Variants in HACD2 observed in about 807,000 individuals in gnomAD.
HACD2 encodes the protein very-long-chain (3R)-3-hydroxyacyl-CoA dehydratase 2.
A neutral mutation model predicts 31.0 loss-of-function variants in HACD2; 15 were observed. That is an observed-to-expected ratio of 0.48 (90% CI 0.32 to 0.75). HACD2 has a LOEUF of 0.75. Ranked by LOEUF, HACD2 falls within the 30% of genes least tolerant of loss-of-function variation. The pLI is 0.03. For missense variants in HACD2, 283 were observed against 313.0 expected (o/e 0.90, Z 0.72); for synonymous variants, 115 against 122.2 (o/e 0.94, Z 0.39).
intron 3 of HACD2, among the ~76,000 whole-genome samples, chr3:123,533,126 G>T (rs1170327229): frequency 6.6e-6 from 1 of 152,188 alleles, no homozygotes; most frequent in Non-Finnish European, 1.5e-5. Context: ...TGTAGAATGT[G>T]GAATATAGAT....
At chr3:123,561,733 ACAC>A (rs774813580) in intron 3 of HACD2, among the ~76,000 whole-genome samples, 2 of 151,850 alleles carry the variant, frequency 1.3e-5, no homozygotes, top group Non-Finnish European at 1.5e-5. Flanking sequence ...AACACAAATC[ACAC>A]CACATGAATA....
intron 4 of HACD2, among the ~76,000 whole-genome samples, chr3:123,513,662 C>A (rs2056093905): frequency 6.6e-6 from 1 of 152,192 alleles, no homozygotes. Context: ...ACGGATGTGG[C>A]AGGACCATCA....
In HACD2 at chr3:123,551,456, T is replaced by TA. The variant is rs200566511; in HGVS notation, c.292+16305dup. On this transcript the variant is annotated intron_variant, in intron 3 of 6. Coordinates refer to ENST00000383657, the MANE Select transcript of HACD2 (RefSeq NM_198402.5). ...CAACATGGTGAATCCCCATCTCTAC[T>TA]AAAAAAAAATATATAAAAATTAGCC... Among the ~76,000 whole-genome samples the TA allele has an allele frequency of 1.3e-3, 193 of 150,680 alleles. 2 individuals are homozygous for TA. In the East Asian group the frequency reaches 0.017, roughly 13 times the overall value.
At chr3:123,495,205 T>C (rs1356817563) in intron 6 of HACD2, among the ~76,000 whole-genome samples, 4 of 152,244 alleles carry the variant, frequency 2.6e-5, no homozygotes, top group African/African-American at 9.6e-5. Context: ...ACAGACACTA[T>C]TGTCACTATC....
chr3:123,524,764 G>A, intron 4 of HACD2, among the ~76,000 whole-genome samples: 1 of 152,106 alleles, frequency 6.6e-6, no homozygotes, highest in African/African-American at 2.4e-5. Context: ...TGATATCACA[G>A]GTGTGAGCCA....
At chr3:123,584,365 T>C (rs943809428) in intron 1 of HACD2, 1 of 152,580 alleles carries the variant, frequency 6.6e-6, no homozygotes, top group Admixed American at 6.5e-5. Flanking sequence ...GCTCTGCTCA[T>C]GTCGCTGGCC....
intron 4 of HACD2, among the ~76,000 whole-genome samples, chr3:123,511,223 A>G (rs902556287): frequency 6.6e-6 from 1 of 152,088 alleles, no homozygotes; most frequent in African/African-American, 2.4e-5. Flanking sequence ...TTTTTAACAT[A>G]TATTACCTCA....
intron 3 of HACD2, among the ~76,000 whole-genome samples, chr3:123,556,151 T>C (rs2056670226): frequency 1.3e-5 from 2 of 151,852 alleles, no homozygotes; most frequent in Non-Finnish European, 2.9e-5. Flanking sequence ...AAAAAATAAA[T>C]TGAGGCCGGG....
Position 123,527,386 on chromosome 3 carries a change from A to T in HACD2, c.381+1000T>A, listed in dbSNP as rs531239619. ...GTTGTACACTGTTCTCAGCAGCATG[A>T]TGAAATCTCATGCTGTCCCACTCTA... On this transcript the variant is annotated intron_variant, in intron 4 of 6. Transcript: ENST00000383657. Among the ~76,000 whole-genome samples, 10 of 152,318 alleles carry T rather than the reference A, an allele frequency of 6.6e-5. No homozygotes were observed. In the East Asian group the frequency reaches 1.9e-3, roughly 29 times the overall value.
chr3:123,584,861 C>G lies in HACD2; in HGVS notation c.155+12G>C. On this transcript the variant is annotated intron_variant, in intron 1 of 6. Transcript: ENST00000383657. The stretch of plus-strand genomic sequence containing the variant: ...CGCGCTGGCTCCCCGCCTCCCCGAG[C>G]CCCAGCCTCACCCGGCTGTCATCAC... The G allele has an allele frequency of 6.7e-7, 1 of 1,494,038 alleles. No homozygotes were observed. Among genetic ancestry groups the G allele is most frequent in the Non-Finnish European group, 8.9e-7 (1 of 1,121,620 alleles). The allele number at this position is 1,494,038 out of a possible 1,614,324, so 92.5% of individuals were successfully genotyped here.
chr3:123,571,076 A>G (rs978624107), intron 2 of HACD2, among the ~76,000 whole-genome samples: 1 of 152,240 alleles, frequency 6.6e-6, no homozygotes, highest in African/African-American at 2.4e-5. Flanking sequence ...CTGATTTTCA[A>G]TGATTTTCAC....
At chr3:123,579,554 T>C (rs1338176092) in intron 2 of HACD2, among the ~76,000 whole-genome samples, 15 of 152,200 alleles carry the variant, frequency 9.9e-5, no homozygotes, top group Admixed American at 9.8e-4. Flanking sequence ...TCCTCCTGCC[T>C]TGGCCTCCCA....
rs1431735688 is a variant in HACD2 at position 123,580,878 on chromosome 3, CAG to C, written c.273+1332_273+1333del. Among the ~76,000 whole-genome samples the C allele has an allele frequency of 9.6e-3, 1,206 of 125,318 alleles. 14 individuals are homozygous for C. The highest frequency in any genetic ancestry group is 0.034 in the African/African-American group (1,128 of 32,726). 82.2% of individuals were successfully genotyped at this position (125,318 alleles called of 152,430 possible). A position where few individuals can be genotyped will look rare whatever the true frequency, so the allele number is the denominator to read the frequency against. On this transcript the variant is annotated intron_variant, in intron 2 of 6. Transcript: ENST00000383657. ...ATTTTTTTTTTTTTTTTTTTTGAGA[CAG>C]AGTCTCGTTCTGTTGCCCAGGCTGG...
At chr3:123,555,047 G>T (rs1235148915) in intron 3 of HACD2, among the ~76,000 whole-genome samples, 3 of 151,920 alleles carry the variant, frequency 2.0e-5, no homozygotes, top group African/African-American at 7.3e-5. Flanking sequence ...AGGTCAAGCA[G>T]ACAAAAAAAT....
intron 4 of HACD2, among the ~76,000 whole-genome samples, chr3:123,516,275 C>T (rs1279818148): frequency 6.8e-6 from 1 of 148,118 alleles, no homozygotes; most frequent in Non-Finnish European, 1.5e-5. Context: ...GCTCTGTCAC[C>T]CAGGCTGCAG....
intron 6 of HACD2, chr3:123,499,223 C>G: frequency 6.1e-6 from 1 of 164,830 alleles, no homozygotes; most frequent in Non-Finnish European, 1.3e-5. Context: ...AAAACTGCAA[C>G]TGTGAACTGC....
intron 3 of HACD2, among the ~76,000 whole-genome samples, chr3:123,529,060 C>T (rs1410359719): frequency 6.6e-6 from 1 of 151,614 alleles, no homozygotes; most frequent in Non-Finnish European, 1.5e-5. Flanking sequence ...ATTATCCTCC[C>T]AATGTCCTCA....
intron 2 of HACD2, among the ~76,000 whole-genome samples, chr3:123,576,819 T>A (rs1431976059): frequency 6.6e-6 from 1 of 152,118 alleles, no homozygotes; most frequent in East Asian, 1.9e-4. Context: ...TAAGAAGGGA[T>A]CTTTCTTCTT....
intron 3 of HACD2, among the ~76,000 whole-genome samples, chr3:123,542,716 A>G (rs2056508052): frequency 6.6e-6 from 1 of 152,276 alleles, no homozygotes; most frequent in African/African-American, 2.4e-5. Flanking sequence ...ACATCTCATT[A>G]TCAGGTATTT....
Sources: gnomAD v4.1 joint callset for allele counts (sites outside exome capture counted in the v4.1 genomes callset) on GRCh38, gnomAD v4.1.1 for gene constraint, MANE v1.5 for transcripts, NCBI Gene and HGNC (gene_info 2026-07-23, HGNC 2026-07-21) for gene names.